The following MORC3 variants were observed in gnomAD, a reference collection of about 807,000 sequenced individuals.
MORC3 encodes MORC family CW-type zinc finger 3, also known as MORC family CW-type zinc finger protein 3.
In MORC3, 31 loss-of-function variants were observed where a neutral mutation model predicts 109.1. The ratio of observed to expected loss-of-function variants is 0.28; its 90% CI spans 0.21 to 0.38. The LOEUF (loss-of-function observed/expected upper bound fraction) is 0.38. Among genes scored for constraint, MORC3 ranks in the 10% least tolerant of loss-of-function variants. The probability of loss-of-function intolerance (pLI) is 1.00; values close to 1 mark genes in which losing one functional copy is unlikely to be tolerated. For synonymous variants in MORC3, 395 were observed against 380.7 expected, an observed-to-expected ratio of 1.04 and a Z score of -0.44; for missense variants, 867 against 1,135.8, an observed-to-expected ratio of 0.76 and a Z score of 3.40.
At chr21:36,334,949 A>C (rs2085357940) in intron 2 of MORC3, among the ~76,000 whole-genome samples, 1 of 152,014 alleles carries the variant, frequency 6.6e-6, no homozygotes, top group Non-Finnish European at 1.5e-5. Context: ...TGAGAAACAT[A>C]GTGGGACCCC....
chr21:36,356,762 A>T (rs2085650190), intron 10 of MORC3, 38 bp downstream of exon 10: 1 of 1,295,386 alleles, frequency 7.7e-7, no homozygotes, highest in Non-Finnish European at 1.1e-6. Context: ...TCACTTAGAT[A>T]TCAAGATGTG....
chr21:36,336,406 C>A (rs568634578), intron 2 of MORC3, among the ~76,000 whole-genome samples: 2 of 150,870 alleles, frequency 1.3e-5, no homozygotes, highest in Non-Finnish European at 2.9e-5. Context: ...CCATGCCTGG[C>A]GGATTTTTGT....
intron 9 of MORC3, among the ~76,000 whole-genome samples, chr21:36,355,046 T>G (rs562101564): frequency 6.6e-6 from 1 of 152,268 alleles, no homozygotes; most frequent in Non-Finnish European, 1.5e-5. Context: ...TTGAGCTTGA[T>G]TTCTTTCACA....
chr21:36,324,309 G>T (rs1185091569), intron 1 of MORC3, among the ~76,000 whole-genome samples: 1 of 146,518 alleles, frequency 6.8e-6, no homozygotes, highest in Non-Finnish European at 1.5e-5. Flanking sequence ...GAGTCTTCTC[G>T]CTCTGTCGTC....
intron 5 of MORC3, among the ~76,000 whole-genome samples, chr21:36,340,665 T>TAA (rs1345210051): frequency 6.6e-6 from 1 of 151,040 alleles, no homozygotes; most frequent in Non-Finnish European, 1.5e-5. Context: ...GATAGCGTTT[T>TAA]GCTCTTTCCC....
At chr21:36,349,004 T>C (rs1782434552) in intron 8 of MORC3, among the ~76,000 whole-genome samples, 1 of 151,904 alleles carries the variant, frequency 6.6e-6, no homozygotes, top group Non-Finnish European at 1.5e-5. Context: ...ATAGAAAAAT[T>C]AGCTGGGTTT....
At chr21:36,339,835 C>T (rs1410865400) in intron 5 of MORC3, among the ~76,000 whole-genome samples, 2 of 152,142 alleles carry the variant, frequency 1.3e-5, no homozygotes, top group East Asian at 3.9e-4. Context: ...ATTCGTTTTT[C>T]TTGCTTTCAC....
At chr21:36,352,027 A>G (rs1398802160) in intron 9 of MORC3, among the ~76,000 whole-genome samples, 1 of 152,190 alleles carries the variant, frequency 6.6e-6, no homozygotes. Flanking sequence ...AAATATTGGT[A>G]AATACCATCC....
rs2085615805 is a variant in MORC3 at position 36,354,289 on chromosome 21, T to A, written c.1104-2331T>A. Reference sequence around the variant, plus strand: ...TATACACTGTAATTTCTGTCTGACTTATTTCCATTTTTGTTTTCTTTCTTT... The same window carrying A: ...TATACACTGTAATTTCTGTCTGACTAATTTCCATTTTTGTTTTCTTTCTTT... On this transcript the variant is annotated intron_variant, in intron 9 of 16. Transcript: ENST00000400485. Among the ~76,000 whole-genome samples, 6 of 151,524 alleles carry A rather than the reference T, an allele frequency of 4.0e-5. No individual in the cohort carries two copies. The South Asian group carries it at 1.3e-3, about 32-fold the overall frequency.
intron 16 of MORC3, 31 bp from the exon 17 acceptor site, chr21:36,375,112 C>G (rs762871723): frequency 1.3e-6 from 2 of 1,584,050 alleles, no homozygotes; most frequent in Non-Finnish European, 1.7e-6. Context: ...TTGTAATGCT[C>G]ATCTAATAAG....
chr21:36,358,349 C>T (rs1482077569), intron 10 of MORC3, among the ~76,000 whole-genome samples: 4 of 151,948 alleles, frequency 2.6e-5, no homozygotes, highest in African/African-American at 7.2e-5. Context: ...TGCACCATTG[C>T]ACTCCAGCCT....
intron 6 of MORC3, among the ~76,000 whole-genome samples, 183 bp downstream of exon 6, chr21:36,341,729 A>G (rs1479152981): frequency 6.6e-6 from 1 of 152,174 alleles, no homozygotes; most frequent in African/African-American, 2.4e-5. Context: ...TCACACACAC[A>G]CACAAATTTA....
intron 15 of MORC3, among the ~76,000 whole-genome samples, chr21:36,371,395 A>G: frequency 6.6e-6 from 1 of 151,780 alleles, no homozygotes; most frequent in East Asian, 1.9e-4. Context: ...TAACTCCAAC[A>G]TTCATTTAAT....
At chr21:36,365,603 C>A (rs999009225) in intron 14 of MORC3, among the ~76,000 whole-genome samples, 1 of 151,948 alleles carries the variant, frequency 6.6e-6, no homozygotes, top group African/African-American at 2.4e-5. Flanking sequence ...TTTTTTGAGT[C>A]GGAGTTTGGC....
chr21:36,320,207 C>A lies in MORC3; in HGVS notation c.-58C>A, dbSNP rs1206783598. 1 of 1,553,770 alleles carries A rather than the reference C, an allele frequency of 6.4e-7. No individual in the cohort carries two copies. The highest frequency in any genetic ancestry group is 8.7e-7 in the Non-Finnish European group (1 of 1,147,934). On this transcript the variant is annotated 5_prime_UTR_variant, in exon 1 of 17. Coordinates refer to ENST00000400485, the MANE Select transcript of MORC3 (RefSeq NM_015358.3). Reference sequence around the variant, plus strand: ...TACCCATAGGGCTCCACAGTCGTTCCGCCACCTCCCAGTCGGGTTGCGGCG... The same window carrying A: ...TACCCATAGGGCTCCACAGTCGTTCAGCCACCTCCCAGTCGGGTTGCGGCG...
rs1321151263 is a variant in MORC3, at chr21:36,376,426, TG to T, written c.*1131del. 1.3e-5 allele frequency: 2 copies of T among 152,450 alleles called. No individual in the cohort carries two copies. The highest frequency in any genetic ancestry group is 4.8e-5 in the African/African-American group (2 of 41,468). 9.4% of individuals were successfully genotyped at this position (152,450 alleles called of 1,614,324 possible). A position where few individuals can be genotyped will look rare whatever the true frequency, so the allele number is the denominator to read the frequency against. ...GAACATTCAATCCGTTCATTTTGTA[TG>T]TATGCTTAATACGTGTCGGTCATAT... On this transcript the variant is annotated 3_prime_UTR_variant, in exon 17 of 17. Coordinates refer to ENST00000400485, the MANE Select transcript of MORC3 (RefSeq NM_015358.3).
chr21:36,329,218 C>G (rs1431593963), intron 1 of MORC3, among the ~76,000 whole-genome samples: 3 of 151,988 alleles, frequency 2.0e-5, no homozygotes, highest in Non-Finnish European at 2.9e-5. Flanking sequence ...TCGCTTGAAC[C>G]CGGGAGGCAG....
chr21:36,323,978 C>T (rs1009690448), intron 1 of MORC3, among the ~76,000 whole-genome samples: 17 of 151,790 alleles, frequency 1.1e-4, no homozygotes, highest in African/African-American at 3.4e-4. Context: ...CGGGTTCAAG[C>T]GATTCTCCCG....
intron 12 of MORC3, among the ~76,000 whole-genome samples, chr21:36,361,492 G>A (rs1021449160): frequency 4.4e-5 from 6 of 135,802 alleles, no homozygotes; most frequent in African/African-American, 1.7e-4. Context: ...GTAGTGAGCC[G>A]AGCACACCAC....
Sources: gnomAD v4.1 joint callset for allele counts (sites outside exome capture counted in the v4.1 genomes callset) on GRCh38, gnomAD v4.1.1 for gene constraint, MANE v1.5 for transcripts, NCBI Gene and HGNC (gene_info 2026-07-23, HGNC 2026-07-21) for gene names.